Variants in SPTAN1 observed in about 807,000 individuals in gnomAD.
The protein encoded by SPTAN1 is spectrin alpha chain, non-erythrocytic 1.
Under a neutral mutation model 331.3 loss-of-function variants are expected in SPTAN1, and 61 were observed. The observed-to-expected ratio is 0.18, with a 90% CI of 0.15 to 0.23. The LOEUF (loss-of-function observed/expected upper bound fraction) is 0.23, where lower values mean the gene tolerates loss of function less well. Among genes scored for constraint, SPTAN1 ranks in the 10% least tolerant of loss-of-function variants. The pLI is 1.00. For missense variants in SPTAN1, 2,043 were observed against 3,147.9 expected, an observed-to-expected ratio of 0.65 and a Z score of 8.40; for synonymous variants, 1,153 against 1,173.9, an observed-to-expected ratio of 0.98 and a Z score of 0.36.
Position 128,579,653 on chromosome 9 carries a change from A to G in SPTAN1, c.1238A>G (p.His413Arg). 2 of 1,614,108 alleles carry G rather than the reference A, an allele frequency of 1.2e-6. No individual in the cohort carries two copies. The highest frequency in any genetic ancestry group is 1.7e-6 in the Non-Finnish European group (2 of 1,179,958). The part of the protein sequence containing the change: ...HQEHKGEIDA[H>R]EDSFKSADES... ...CTCCTGTAGGGTGAAATTGATGCCC[A>G]TGAAGACAGCTTCAAATCTGCAGAT... The change falls in exon 10 of 57, where the codon CAT becomes CGT. Residue 413 changes from histidine (H) to arginine (R), a missense_variant. His to Arg is a conservative substitution (Grantham distance 29). This residue lies in a region of SPTAN1 where 1,038 missense variants were observed against 1,531.5 expected (regional missense o/e 0.68). Transcript: ENST00000372739.
chr9:128,608,846 T>G, intron 34 of SPTAN1, 28 bp from the exon 35 acceptor site: 4 of 1,611,224 alleles, frequency 2.5e-6, no homozygotes, highest in Non-Finnish European at 3.4e-6. Flanking sequence ...CAGGCCCACC[T>G]TGATCTCATG....
Position 128,612,019 on chromosome 9 carries a change from C to T in SPTAN1, c.4906-90C>T. 4 of 1,610,970 alleles carry T rather than the reference C, an allele frequency of 2.5e-6. No individual in the cohort carries two copies. The South Asian group carries it at 4.4e-5, about 18-fold the overall frequency. On this transcript the variant is annotated intron_variant, in intron 38 of 56. Coordinates refer to ENST00000372739, the MANE Select transcript of SPTAN1 (RefSeq NM_001130438.3). ...ATGGCTCCTATGAGTGTTTTCCATTCTCTTCTCTTAGAAGTTCTCAAATTG... is the reference window on the plus strand; with the variant it reads ...ATGGCTCCTATGAGTGTTTTCCATTTTCTTCTCTTAGAAGTTCTCAAATTG...
chr9:128,559,874 A>G (rs1849093321), intron 1 of SPTAN1, among the ~76,000 whole-genome samples: 1 of 150,894 alleles, frequency 6.6e-6, no homozygotes, highest in Non-Finnish European at 1.5e-5. Flanking sequence ...AGCTGGGACT[A>G]CAGGCGTGCG....
At chr9:128,564,119 T>A (rs1358733726) in intron 1 of SPTAN1, among the ~76,000 whole-genome samples, 1 of 151,894 alleles carries the variant, frequency 6.6e-6, no homozygotes, top group Non-Finnish European at 1.5e-5. Flanking sequence ...ACAAAAAAAA[T>A]TTAAAAATTA....
chr9:128,607,437 CAAG>C (rs551252780), intron 31 of SPTAN1, among the ~76,000 whole-genome samples, 164 bp from the exon 32 acceptor site: 37 of 152,214 alleles, frequency 2.4e-4, no homozygotes, highest in South Asian at 2.3e-3. Context: ...AAAAAAATAA[CAAG>C]AAGTTTTTTA....
At chr9:128,604,202 G>C in intron 28 of SPTAN1, 124 bp from the exon 29 acceptor site, 1 of 983,808 alleles carries the variant, frequency 1.0e-6, no homozygotes, top group Non-Finnish European at 1.6e-6. Context: ...CAGCGAGGAA[G>C]GTTGGAAACA....
chr9:128,618,429 T>C (rs1420239409), intron 43 of SPTAN1, among the ~76,000 whole-genome samples: 1 of 151,938 alleles, frequency 6.6e-6, no homozygotes, highest in Non-Finnish European at 1.5e-5. Flanking sequence ...GAGTGGGTGA[T>C]TCATGATGTT....
At chr9:128,554,097 A>G (rs904389983) in intron 1 of SPTAN1, among the ~76,000 whole-genome samples, 5 of 152,204 alleles carry the variant, frequency 3.3e-5, no homozygotes, top group Non-Finnish European at 7.3e-5. Context: ...GAGGAAAAAA[A>G]AAGTGCTGCA....
Position 128,576,759 on chromosome 9 carries a change from A to C in SPTAN1, c.652-64A>C, listed in dbSNP as rs946767315. The C allele has an allele frequency of 4.4e-6, 7 of 1,600,704 alleles. No individual in the cohort carries two copies. The African/African-American group carries it at 8.0e-5, about 18-fold the overall frequency. On this transcript the variant is annotated intron_variant, in intron 5 of 56. Coordinates refer to ENST00000372739, the MANE Select transcript of SPTAN1 (RefSeq NM_001130438.3). Reference sequence around the variant, plus strand: ...TGAGATGCTTCAAGGAACCAACCCCAGGGTAACTAGTTGGAGGAGCCAGAA... The same window carrying C: ...TGAGATGCTTCAAGGAACCAACCCCCGGGTAACTAGTTGGAGGAGCCAGAA...
At position 128,566,777 on chromosome 9, in the gene SPTAN1, G is replaced by A. The variant is rs1459408730; in HGVS notation, c.37G>A (p.Glu13Lys). The change falls in exon 2 of 57, where the codon GAG (glutamate) becomes AAG (lysine). Residue 13 changes from glutamate to lysine, a missense_variant. Transcript: ENST00000372739. ...PSGVKVLETA[E>K]DIQERRQQVL... ...TGGGGTCAAAGTGCTGGAAACAGCA[G>A]AGGACATCCAGGAGAGGCGGCAGCA... The A allele has an allele frequency of 6.2e-7, 1 of 1,614,238 alleles. No homozygotes were observed. The highest frequency in any genetic ancestry group is 8.5e-7 in the Non-Finnish European group (1 of 1,180,050).
rs1030155130 is a variant in SPTAN1, at chr9:128,617,287, T to C, written c.5358-353T>C. Among the ~76,000 whole-genome samples the C allele has an allele frequency of 3.3e-5, 5 of 151,956 alleles. No individual in the cohort carries two copies. In the East Asian group the frequency reaches 9.6e-4, roughly 29 times the overall value. On this transcript the variant is annotated intron_variant, in intron 41 of 56. Transcript: ENST00000372739. ...ATGTATATATATAAATATCTTTGTATATTTACAGACATATATTGATATATT... is the reference window on the plus strand; with the variant it reads ...ATGTATATATATAAATATCTTTGTACATTTACAGACATATATTGATATATT...
chr9:128,608,396 T>A, intron 34 of SPTAN1, 120 bp downstream of exon 34: 1 of 1,251,292 alleles, frequency 8.0e-7, no homozygotes, highest in Non-Finnish European at 1.1e-6. Context: ...GAAAAATATG[T>A]ACATAAATAA....
chr9:128,628,881 CTT>C (rs1305756416), intron 51 of SPTAN1: 3 of 361,492 alleles, frequency 8.3e-6, no homozygotes, highest in East Asian at 4.0e-5. Context: ...TGGTCTTGCT[CTT>C]GTCTCCGTGA....
At chr9:128,613,623 G>A in intron 40 of SPTAN1, 138 bp downstream of exon 40, 1 of 718,734 alleles carries the variant, frequency 1.4e-6, no homozygotes, top group Non-Finnish European at 2.5e-6. Flanking sequence ...GTGGCCTCAG[G>A]ATCATTATAC....
At chr9:128,605,961 C>T (rs1480124283) in intron 31 of SPTAN1, among the ~76,000 whole-genome samples, 2 of 146,698 alleles carry the variant, frequency 1.4e-5, no homozygotes. Context: ...CACTGCACTC[C>T]AGCCCGGGCA....
At chr9:128,600,803 C>T (rs939681298) in intron 27 of SPTAN1, among the ~76,000 whole-genome samples, 7 of 151,802 alleles carry the variant, frequency 4.6e-5, no homozygotes, top group African/African-American at 1.7e-4. Flanking sequence ...GCTGGGACTA[C>T]AGGCATGTGC....
At chr9:128,589,975 T>C (rs1157638243) in intron 21 of SPTAN1, among the ~76,000 whole-genome samples, 1 of 152,204 alleles carries the variant, frequency 6.6e-6, no homozygotes, top group Non-Finnish European at 1.5e-5. Context: ...TTCTTTAGGC[T>C]AAATAATGAC....
rs747928279 is a variant in SPTAN1, at chr9:128,575,203, C to T, written c.509C>T (p.Ala170Val). Residue 170 changes from alanine to valine, a missense_variant, in exon 5 of 57, where the codon GCA (alanine) becomes GTA (valine). Coordinates refer to ENST00000372739, the MANE Select transcript of SPTAN1 (RefSeq NM_001130438.3). ...TCTCTTATGGTCCCTGAATAGGAAG[C>T]AATTGTTACTTCTGAAGAGCTGGGC... is the stretch of plus-strand genomic sequence containing the variant. Reference protein sequence around the residue: ...DVMDWINDKEAIVTSEELGQD... With the variant: ...DVMDWINDKEVIVTSEELGQD... The T allele has an allele frequency of 6.2e-7, 1 of 1,614,096 alleles. No homozygotes were observed. Among genetic ancestry groups the T allele is most frequent in the Non-Finnish European group, 8.5e-7 (1 of 1,180,016 alleles).
chr9:128,627,964 C>G lies in SPTAN1; in HGVS notation c.6707+22C>G. ...ATGGGTTAATATTGTTTTCTTCCTTCTCTGGGCTTGTCATGTGGGGGTCTC... is the reference window on the plus strand; with the variant it reads ...ATGGGTTAATATTGTTTTCTTCCTTGTCTGGGCTTGTCATGTGGGGGTCTC... On this transcript the variant is annotated intron_variant, in intron 51 of 56. Transcript: ENST00000372739. The surrounding 1 kb of genome is among the most constrained non-coding windows in gnomAD (Gnocchi z 4.9). 1.2e-6 allele frequency: 2 copies of G among 1,614,150 alleles called. No homozygotes were observed.
Sources: allele counts gnomAD v4.1 joint callset (sites outside exome capture counted in the v4.1 genomes callset), GRCh38; gene constraint gnomAD v4.1.1; regional missense constraint gnomAD v4.1.1; non-coding constraint Gnocchi (gnomAD v3.1); transcripts MANE v1.5; gene names NCBI Gene and HGNC (gene_info 2026-07-23, HGNC 2026-07-21).